PPFIA3: variants seen among roughly 807,000 people sequenced by gnomAD.
PPFIA3 encodes PPFI scaffold protein A3.
In PPFIA3, 26 loss-of-function variants were observed where a neutral mutation model predicts 145.8. The observed-to-expected ratio is 0.18, with a 90% CI of 0.13 to 0.25. The LOEUF is 0.25. PPFIA3 is among the 10% of genes least tolerant of loss of function. The pLI is 1.00. For missense variants in PPFIA3, 1,008 were observed against 1,587.8 expected, an observed-to-expected ratio of 0.63 and a Z score of 6.21; for synonymous variants, 645 against 661.4, an observed-to-expected ratio of 0.98 and a Z score of 0.38.
intron 17 of PPFIA3, 28 bp from the exon 18 acceptor site, chr19:49,139,933 A>G (rs1342763218): frequency 6.2e-7 from 1 of 1,614,050 alleles, no homozygotes; most frequent in Non-Finnish European, 8.5e-7. Flanking sequence ...CAGCAAGCAT[A>G]TGCTCTCATT....
Position 49,133,688 on chromosome 19 carries a change from C to A in PPFIA3, c.1162-108C>A. ...CTGACTCAAAGGTGCAGGGGAGGAG[C>A]CTGGCGCTGTGGGGGCGGAGCCTGG... On this transcript the variant is annotated intron_variant, in intron 9 of 29. Transcript: ENST00000334186. The surrounding 1 kb of genome is among the most constrained non-coding windows in gnomAD (Gnocchi z 7.2). 2 of 1,206,850 alleles carry A rather than the reference C, an allele frequency of 1.7e-6. No homozygotes were observed. Among genetic ancestry groups the A allele is most frequent in the Non-Finnish European group, 2.4e-6 (2 of 830,538 alleles). The allele number at this position is 1,206,850 out of a possible 1,614,324, so 74.8% of individuals were successfully genotyped here.
At position 49,135,976 on chromosome 19, in the gene PPFIA3, T is replaced by C. The variant is rs2041133142; in HGVS notation, c.1665+53T>C. The stretch of plus-strand genomic sequence containing the variant: ...TGAGCAGGGCTTGGGCGGGCAGCTG[T>C]AGGAAGTGGAACTAAATCTGTGGGG... On this transcript the variant is annotated intron_variant, in intron 14 of 29. Transcript: ENST00000334186. 94 of 1,485,250 alleles carry C rather than the reference T, an allele frequency of 6.3e-5. 1 individual carries two copies. In the South Asian group the frequency reaches 1.3e-3, roughly 20 times the overall value. The allele number at this position is 1,485,250 out of a possible 1,614,324, so 92.0% of individuals were successfully genotyped here.
Position 49,149,503 on chromosome 19 carries a change from A to G in PPFIA3, c.3355-44A>G. Reference sequence around the variant, plus strand: ...GAGTCAAAGGAAGGGGCGGAGTCAGACAAGGCAGGAGTCCCTCACCGGCTG... The same window carrying G: ...GAGTCAAAGGAAGGGGCGGAGTCAGGCAAGGCAGGAGTCCCTCACCGGCTG... On this transcript the variant is annotated intron_variant, in intron 27 of 29. Transcript: ENST00000334186. The surrounding 1 kb of genome is among the most constrained non-coding windows in gnomAD (Gnocchi z 5.7). 2 of 1,612,096 alleles carry G rather than the reference A, an allele frequency of 1.2e-6. No homozygotes were observed. Among genetic ancestry groups the G allele is most frequent in the Non-Finnish European group, 1.7e-6 (2 of 1,178,670 alleles).
At chr19:49,122,351 G>A (rs2040946106) in intron 1 of PPFIA3, among the ~76,000 whole-genome samples, 1 of 152,106 alleles carries the variant, frequency 6.6e-6, no homozygotes, top group African/African-American at 2.4e-5. Flanking sequence ...CAAAGTGCTG[G>A]GATTATAGGC....
Position 49,149,191 on chromosome 19 carries a change from G to C in PPFIA3, c.3285+23G>C. On this transcript the variant is annotated intron_variant, in intron 26 of 29. Transcript: ENST00000334186. The surrounding 1 kb of genome is among the most constrained non-coding windows in gnomAD (Gnocchi z 5.7). ...CAGGTGAGCTGCCGCTGGGCCCGGA[G>C]CATGCTGGGCGTCCCCACCTCGCAG... 1 of 1,613,872 alleles carries C rather than the reference G, an allele frequency of 6.2e-7. No individual in the cohort carries two copies. Among genetic ancestry groups the C allele is most frequent in the South Asian group, 1.1e-5 (1 of 91,038 alleles).
In PPFIA3 at chr19:49,149,553, G is replaced by T. The variant is rs777466058; in HGVS notation, c.3361G>T (p.Ala1121Ser). The T allele has an allele frequency of 2.7e-5, 44 of 1,614,050 alleles. No homozygotes were observed. The South Asian group carries it at 4.8e-4, about 18-fold the overall frequency. ...GTCCGGCTCCTATACCTAGGACAGCGCCAAGTCTTTCAGCCGCTCCCCATC... is the reference window on the plus strand; with the variant it reads ...GTCCGGCTCCTATACCTAGGACAGCTCCAAGTCTTTCAGCCGCTCCCCATC... ...GTDRRLDEDS[A>S]KSFSRSPSWR... The change falls in exon 28 of 30, where the codon GCC (alanine) becomes TCC (serine). Residue 1121 changes from alanine (A) to serine (S), a missense_variant. Coordinates refer to ENST00000334186, the MANE Select transcript of PPFIA3 (RefSeq NM_003660.4). This position sits in a 1 kb window ranked among gnomAD's most constrained non-coding sequence, Gnocchi z 5.7.
chr19:49,128,362 G>T lies in PPFIA3; in HGVS notation c.241-5G>T, dbSNP rs1482877458. 1 of 1,613,988 alleles carries T rather than the reference G, an allele frequency of 6.2e-7. No individual in the cohort carries two copies. The highest frequency in any genetic ancestry group is 1.1e-5 in the South Asian group (1 of 91,082). Reference sequence around the variant, plus strand: ...AATGTCCAGATCCTGCCAATGTCTGGACAGGAGTTTGCAGCTCTGACGAAG... The same window carrying T: ...AATGTCCAGATCCTGCCAATGTCTGTACAGGAGTTTGCAGCTCTGACGAAG... On this transcript the variant is annotated splice_polypyrimidine_tract_variant and splice_region_variant and intron_variant, in intron 2 of 29. Coordinates refer to ENST00000334186, the MANE Select transcript of PPFIA3 (RefSeq NM_003660.4). This position sits in a 1 kb window ranked among gnomAD's most constrained non-coding sequence, Gnocchi z 4.1.
rs1328182713 is a variant in PPFIA3 at position 49,133,195 on chromosome 19, G to A, written c.1027-42G>A. On this transcript the variant is annotated intron_variant, in intron 8 of 29. Coordinates refer to ENST00000334186, the MANE Select transcript of PPFIA3 (RefSeq NM_003660.4). This position sits in a 1 kb window ranked among gnomAD's most constrained non-coding sequence, Gnocchi z 7.2. ...CGATGGGGGCGGTGCCGGGGCCCAA[G>A]TGACCCAGCCCGTCCCCTCCCCCTG... The A allele has an allele frequency of 6.3e-7, 1 of 1,586,640 alleles. No individual in the cohort carries two copies. Among genetic ancestry groups the A allele is most frequent in the South Asian group, 1.1e-5 (1 of 87,938 alleles).
At chr19:49,119,781 TC>T in intron 1 of PPFIA3, 59 bp downstream of exon 1, 1 of 147,838 alleles carries the variant, frequency 6.8e-6, no homozygotes, top group Non-Finnish European at 1.5e-5. Flanking sequence ...TTGGCGAGCC[TC>T]CCCCGCCTCC....
At position 49,143,015 on chromosome 19, in the gene PPFIA3, G is replaced by A. The variant is rs773853123; in HGVS notation, c.2745+11G>A. Reference sequence around the variant, plus strand: ...GCCTCCTCCCGCACTGTGAGTGTCCGGCGGCCAATTCCAGCCTTCGCTTCC... The same window carrying A: ...GCCTCCTCCCGCACTGTGAGTGTCCAGCGGCCAATTCCAGCCTTCGCTTCC... On this transcript the variant is annotated intron_variant, in intron 21 of 29. Coordinates refer to ENST00000334186, the MANE Select transcript of PPFIA3 (RefSeq NM_003660.4). 5 of 1,598,930 alleles carry A rather than the reference G, an allele frequency of 3.1e-6. 1 individual carries two copies. The highest frequency in any genetic ancestry group is 2.2e-5 in the East Asian group (1 of 44,710).
chr19:49,141,955 G>A (rs200989348), intron 19 of PPFIA3, 79 bp from the exon 20 acceptor site: 14 of 990,544 alleles, frequency 1.4e-5, no homozygotes, highest in Non-Finnish European at 1.8e-5. Flanking sequence ...GTGTGTGTAT[G>A]TGTGCTGATG....
At chr19:49,141,236 G>C (rs1269615436) in intron 18 of PPFIA3, among the ~76,000 whole-genome samples, 184 bp from the exon 19 acceptor site, 1 of 152,202 alleles carries the variant, frequency 6.6e-6, no homozygotes, top group East Asian at 1.9e-4. Context: ...AGTGCATCCA[G>C]CCGTATTTTG....
Position 49,136,133 on chromosome 19 carries a change from G to A in PPFIA3, c.1665+210G>A, listed in dbSNP as rs375823810. 3.3e-4 allele frequency among the ~76,000 whole-genome samples: 50 copies of A among 152,326 alleles called. No homozygotes were observed. The Middle Eastern group carries it at 0.017, about 52-fold the overall frequency. On this transcript the variant is annotated intron_variant, in intron 14 of 29. Transcript: ENST00000334186. ...ATGTCCTGCCACCTGGTGAGAACCTGAGAGTAATCATGGGACAGGGAGGGG... is the reference window on the plus strand; with the variant it reads ...ATGTCCTGCCACCTGGTGAGAACCTAAGAGTAATCATGGGACAGGGAGGGG...
Position 49,134,721 on chromosome 19 carries a change from CAGG to C in PPFIA3, c.1440+28_1440+30del. ...AACAAGGTAGGGGGCCCTGAGGGGA[CAGG>C]AGGAGGATGTTGGGGCAGTGGTTGC... is the stretch of plus-strand genomic sequence containing the variant. On this transcript the variant is annotated intron_variant, in intron 12 of 29. Coordinates refer to ENST00000334186, the MANE Select transcript of PPFIA3 (RefSeq NM_003660.4). 1.9e-6 allele frequency: 3 copies of C among 1,613,204 alleles called. No individual in the cohort carries two copies. Among genetic ancestry groups the C allele is most frequent in the Non-Finnish European group, 1.7e-6 (2 of 1,179,174 alleles).
chr19:49,125,070 A>C (rs1225629107), intron 1 of PPFIA3, among the ~76,000 whole-genome samples: 3 of 152,192 alleles, frequency 2.0e-5, no homozygotes, highest in African/African-American at 7.2e-5. Context: ...CCGTCTCAAA[A>C]AAAAAAAATA....
In PPFIA3 at chr19:49,150,286, C is replaced by T. The variant is rs2041332076; in HGVS notation, c.*64C>T. The T allele has an allele frequency of 1.2e-6, 1 of 851,274 alleles. No individual in the cohort carries two copies. Among genetic ancestry groups the T allele is most frequent in the African/African-American group, 1.7e-5 (1 of 58,762 alleles). 52.7% of individuals were successfully genotyped at this position (851,274 alleles called of 1,614,324 possible). A position where few individuals can be genotyped will look rare whatever the true frequency, so the allele number is the denominator to read the frequency against. Reference sequence around the variant, plus strand: ...TTCCCGAGGCTGGGCTGTTCCCTCTCCTGCCCGGACTGTGGCCTCGCCGGG... The same window carrying T: ...TTCCCGAGGCTGGGCTGTTCCCTCTTCTGCCCGGACTGTGGCCTCGCCGGG... On this transcript the variant is annotated 3_prime_UTR_variant, in exon 30 of 30. Coordinates refer to ENST00000334186, the MANE Select transcript of PPFIA3 (RefSeq NM_003660.4).
chr19:49,128,211 C>A lies in PPFIA3; in HGVS notation c.240+98C>A. ...GGCTTGGCGCCTGGAAGGGAGGAGT[C>A]TGGGCGAGGCTTGCCGTTAATGGGC... On this transcript the variant is annotated intron_variant, in intron 2 of 29. Coordinates refer to ENST00000334186, the MANE Select transcript of PPFIA3 (RefSeq NM_003660.4). This position sits in a 1 kb window ranked among gnomAD's most constrained non-coding sequence, Gnocchi z 4.1. The A allele has an allele frequency of 6.8e-7, 1 of 1,471,472 alleles. No homozygotes were observed. Among genetic ancestry groups the A allele is most frequent in the African/African-American group, 1.4e-5 (1 of 71,740 alleles). 91.2% of individuals were successfully genotyped at this position (1,471,472 alleles called of 1,614,324 possible). A position where few individuals can be genotyped will look rare whatever the true frequency, so the allele number is the denominator to read the frequency against.
In PPFIA3 at chr19:49,148,739, G is replaced by A. The variant is rs773660359; in HGVS notation, c.3085G>A (p.Glu1029Lys). The A allele has an allele frequency of 6.2e-7, 1 of 1,614,064 alleles. No individual in the cohort carries two copies. The highest frequency in any genetic ancestry group is 1.1e-5 in the South Asian group (1 of 91,078). Residue 1029 changes from glutamate (E) to lysine (K), a missense_variant, in exon 25 of 30, where the codon GAA becomes AAA. Physicochemically the swap from Glu to Lys is moderately conservative, Grantham distance 56. Around this residue, in one of 11 missense-constraint regions of PPFIA3, gnomAD observed 154 missense variants for 369.2 expected, o/e 0.42. Transcript: ENST00000334186. ...YDRKDLERRR[E>K]ESQTQIRDVM... ...CCGGAAGGACCTGGAGCGGAGGCGG[G>A]AAGAAAGTCAGACCCAGATCCGAGG...
chr19:49,134,204 G>A (rs1568437029), intron 11 of PPFIA3, 39 bp downstream of exon 11: 4 of 1,559,136 alleles, frequency 2.6e-6, no homozygotes, highest in South Asian at 1.2e-5. Context: ...GCGGAATTCC[G>A]GGACTACCTC....
Sources: gnomAD v4.1 joint callset for allele counts (sites outside exome capture counted in the v4.1 genomes callset) on GRCh38, gnomAD v4.1.1 for gene constraint, gnomAD v4.1.1 regional missense constraint, Gnocchi (gnomAD v3.1) non-coding constraint, MANE v1.5 for transcripts, NCBI Gene and HGNC (gene_info 2026-07-23, HGNC 2026-07-21) for gene names.